The following SGCD variants were observed in gnomAD, a reference collection of about 807,000 sequenced individuals.
The protein encoded by SGCD is sarcoglycan delta.
A neutral mutation model predicts 36.6 loss-of-function variants in SGCD; 18 were observed. That is an observed-to-expected ratio of 0.49 (90% confidence interval 0.34 to 0.73). SGCD has a LOEUF of 0.73. Among genes scored for constraint, SGCD ranks in the 30% least tolerant of loss-of-function variants. The probability of loss-of-function intolerance (pLI) is 0.01; values close to 1 mark genes in which losing one functional copy is unlikely to be tolerated. For missense variants in SGCD, 387 were observed against 346.7 expected, an observed-to-expected ratio of 1.12 and a Z score of -0.92; for synonymous variants, 133 against 130.6, an observed-to-expected ratio of 1.02 and a Z score of -0.12.
At chr5:156,262,275 T>G (rs1248766063) in intron 3 of SGCD, among the ~76,000 whole-genome samples, 1 of 152,132 alleles carries the variant, frequency 6.6e-6, no homozygotes, top group East Asian at 1.9e-4. Context: ...GTATTTTTAC[T>G]GTACACTTTC....
chr5:156,468,341 CAAAAAA>C (rs60364292), intron 3 of SGCD, among the ~76,000 whole-genome samples: 5 of 110,926 alleles, frequency 4.5e-5, no homozygotes, highest in Admixed American at 9.4e-5. Flanking sequence ...GACCTTGTCT[CAAAAAA>C]AAAAAAAAAA....
At chr5:156,505,644 G>A (rs752342604) in intron 3 of SGCD, among the ~76,000 whole-genome samples, 9 of 152,190 alleles carry the variant, frequency 5.9e-5, no homozygotes, top group South Asian at 4.1e-4. Context: ...GCCCAGCATG[G>A]CCATTCCTGT....
chr5:156,143,450 C>T (rs1456592843), intron 3 of SGCD, among the ~76,000 whole-genome samples: 3 of 152,188 alleles, frequency 2.0e-5, no homozygotes, highest in Non-Finnish European at 4.4e-5. Context: ...CACCAACACC[C>T]TCCAGCCCCC....
intron 1 of SGCD, among the ~76,000 whole-genome samples, chr5:155,933,662 G>A (rs1048161454): frequency 8.5e-5 from 13 of 152,172 alleles, no homozygotes; most frequent in African/African-American, 3.1e-4. Context: ...TCCTTGGAAA[G>A]CAATTTAACC....
chr5:156,692,334 A>G (rs545232668), intron 7 of SGCD, among the ~76,000 whole-genome samples: 25 of 152,274 alleles, frequency 1.6e-4, no homozygotes, highest in Admixed American at 5.2e-4. Context: ...AATGTCTGCC[A>G]TGGGTGACAG....
chr5:155,816,741 C>T, the SGCD span, among the ~76,000 whole-genome samples: 1 of 152,102 alleles, frequency 6.6e-6, no homozygotes, highest in Non-Finnish European at 1.5e-5. Context: ...AAGGCAGGGT[C>T]ATGACTTGGT....
chr5:156,422,611 G>C (rs1171674739), intron 3 of SGCD, among the ~76,000 whole-genome samples: 2 of 151,884 alleles, frequency 1.3e-5, no homozygotes, highest in African/African-American at 4.8e-5. Context: ...GAATGTCATG[G>C]TATATAATTT....
chr5:155,813,001 A>G, the SGCD span, among the ~76,000 whole-genome samples: 1 of 151,810 alleles, frequency 6.6e-6, no homozygotes, highest in East Asian at 1.9e-4. Flanking sequence ...TGGGCATCTT[A>G]TTTTTAGTTG....
intron 3 of SGCD, among the ~76,000 whole-genome samples, chr5:156,129,502 T>A (rs1166418706): frequency 6.6e-6 from 1 of 152,194 alleles, no homozygotes; most frequent in Non-Finnish European, 1.5e-5. Context: ...AACTTTTATT[T>A]TAGGTTCAAG....
chr5:156,143,983 T>C (rs1762642230), intron 3 of SGCD, among the ~76,000 whole-genome samples: 2 of 148,142 alleles, frequency 1.4e-5, no homozygotes, highest in South Asian at 4.3e-4. Context: ...TGAGAACATG[T>C]GGTGTTTGTT....
rs552901757 is a variant in SGCD at position 156,287,757 on chromosome 5, G to A, written c.-43-41777G>A. Among the ~76,000 whole-genome samples the A allele has an allele frequency of 2.0e-5, 3 of 151,972 alleles. No homozygotes were observed. The East Asian group carries it at 5.8e-4, about 29-fold the overall frequency. On this transcript the variant is annotated intron_variant, in intron 3 of 9. Transcript: ENST00000517913. The stretch of plus-strand genomic sequence containing the variant: ...TGTTTTAAAGCTTAGAGATAGGCTG[G>A]GCATGGTGTCTCTCACCTGTAATCC...
At chr5:156,206,469 T>C (rs1764281705) in intron 3 of SGCD, among the ~76,000 whole-genome samples, 1 of 152,054 alleles carries the variant, frequency 6.6e-6, no homozygotes, top group Non-Finnish European at 1.5e-5. Flanking sequence ...ATTCCACTAA[T>C]AGTGTATGAG....
the SGCD span, among the ~76,000 whole-genome samples, chr5:155,826,513 A>C: frequency 6.6e-6 from 1 of 152,030 alleles, no homozygotes; most frequent in Non-Finnish European, 1.5e-5. Flanking sequence ...CTCCCTGGCC[A>C]TCTTTCTGAT....
chr5:156,096,515 T>C (rs1258718429), intron 1 of SGCD, among the ~76,000 whole-genome samples: 2 of 152,170 alleles, frequency 1.3e-5, no homozygotes, highest in East Asian at 1.9e-4. Context: ...CAATAACTTA[T>C]ATTGAGTCAT....
intron 7 of SGCD, among the ~76,000 whole-genome samples, chr5:156,700,580 C>T (rs1215811888): frequency 3.9e-5 from 6 of 152,076 alleles, no homozygotes; most frequent in African/African-American, 1.4e-4. Context: ...ACCTACTGTC[C>T]CCTCACCTGT....
chr5:156,444,336 C>G (rs1161861797), intron 3 of SGCD, among the ~76,000 whole-genome samples: 1 of 151,932 alleles, frequency 6.6e-6, no homozygotes, highest in Admixed American at 6.6e-5. Context: ...CCTCAAAACC[C>G]TACACAAAAA....
chr5:156,033,049 C>G (rs896731726), intron 1 of SGCD, among the ~76,000 whole-genome samples: 2 of 151,808 alleles, frequency 1.3e-5, no homozygotes, highest in African/African-American at 4.8e-5. Context: ...CATACTCCAG[C>G]CTGGGAGACA....
intron 7 of SGCD, among the ~76,000 whole-genome samples, chr5:156,691,370 C>T (rs2113706925): frequency 6.6e-6 from 1 of 152,184 alleles, no homozygotes; most frequent in Non-Finnish European, 1.5e-5. Flanking sequence ...AGCTATGTGG[C>T]TGCTATACTG....
intron 3 of SGCD, among the ~76,000 whole-genome samples, chr5:156,223,557 T>C (rs1764773691): frequency 6.6e-6 from 1 of 152,072 alleles, no homozygotes; most frequent in South Asian, 2.1e-4. Context: ...TTCGGGTGTG[T>C]TGATTTCTTA....
Sources: gnomAD v4.1 joint callset for allele counts (sites outside exome capture counted in the v4.1 genomes callset) on GRCh38, gnomAD v4.1.1 for gene constraint, MANE v1.5 for transcripts, NCBI Gene and HGNC (gene_info 2026-07-23, HGNC 2026-07-21) for gene names.